Variants in LY6S observed in about 807,000 individuals in gnomAD.
LY6S encodes the protein lymphocyte antigen 6 family member S.
At chr8:143,062,438 C>T in the LY6S span, among the ~76,000 whole-genome samples, 139 of 152,250 alleles carry the variant, frequency 9.1e-4, no homozygotes, top group Non-Finnish European at 1.6e-3. Context: ...GAGGCCAAGG[C>T]GGGTGGATCA....
the LY6S span, chr8:143,043,373 C>CT: frequency 1.5e-6 from 1 of 667,726 alleles, no homozygotes; most frequent in Non-Finnish European, 2.2e-6. Flanking sequence ...GAGCAGGGCC[C>CT]TGCCCCGGGG....
chr8:143,041,250 A>G, the LY6S span, among the ~76,000 whole-genome samples: 8 of 152,200 alleles, frequency 5.3e-5, no homozygotes, highest in Non-Finnish European at 7.3e-5. Context: ...TGTAAAAGGC[A>G]GCCGTCCCCA....
the LY6S span, among the ~76,000 whole-genome samples, chr8:143,056,366 A>G: frequency 0.75 from 113,424 of 151,200 alleles, 42,959 homozygotes; most frequent in East Asian, 0.93. Context: ...ATAACCCCGA[A>G]TATATATGTA....
chr8:143,070,483 A>ATTT, the LY6S span, among the ~76,000 whole-genome samples: 6 of 85,964 alleles, frequency 7.0e-5, no homozygotes, highest in African/African-American at 4.4e-4. Flanking sequence ...ATAAATATAT[A>ATTT]TATATATTTT....
chr8:143,051,774 C>T, the LY6S span, among the ~76,000 whole-genome samples: 1 of 151,648 alleles, frequency 6.6e-6, no homozygotes, highest in African/African-American at 2.4e-5. Context: ...GAGTTCTAGA[C>T]CACCCTGGCC....
At chr8:143,061,814 G>T in the LY6S span, among the ~76,000 whole-genome samples, 1 of 152,304 alleles carries the variant, frequency 6.6e-6, no homozygotes, top group East Asian at 1.9e-4. Flanking sequence ...AAAGTGCTGG[G>T]ATTACAGGTG....
the LY6S span, among the ~76,000 whole-genome samples, chr8:143,073,532 CCTCGGG>C: frequency 7.2e-6 from 1 of 139,090 alleles, no homozygotes; most frequent in African/African-American, 2.7e-5. Context: ...CAGCCATCGT[CCTCGGG>C]GTCCCTGTTT....
the LY6S span, among the ~76,000 whole-genome samples, chr8:143,040,865 G>C: frequency 6.6e-6 from 1 of 152,154 alleles, no homozygotes; most frequent in Non-Finnish European, 1.5e-5. Flanking sequence ...GCGTCCGGGG[G>C]AGACATCACA....
chr8:143,074,445 G>T, the LY6S span, among the ~76,000 whole-genome samples: 2 of 151,980 alleles, frequency 1.3e-5, no homozygotes, highest in African/African-American at 4.8e-5. Context: ...GCTACTATAT[G>T]TTTAGTCTGC....
chr8:143,066,328 T>C, the LY6S span: 1 of 209,574 alleles, frequency 4.8e-6, no homozygotes. Flanking sequence ...ACACCGGCTA[T>C]TTTTTGTATT....
the LY6S span, among the ~76,000 whole-genome samples, chr8:143,045,085 G>C: frequency 6.6e-6 from 1 of 152,144 alleles, no homozygotes; most frequent in African/African-American, 2.4e-5. This position sits in a 1 kb window ranked among gnomAD's most constrained non-coding sequence, Gnocchi z 5.3. Flanking sequence ...TCGGAAGTGA[G>C]CACAGCCAGC....
chr8:143,061,938 T>C, the LY6S span, among the ~76,000 whole-genome samples: 17 of 152,216 alleles, frequency 1.1e-4, no homozygotes, highest in African/African-American at 4.1e-4. Flanking sequence ...ATTCACATAC[T>C]GAACATACAT....
the LY6S span, among the ~76,000 whole-genome samples, chr8:143,063,525 C>T: frequency 6.6e-6 from 1 of 152,204 alleles, no homozygotes. Flanking sequence ...ACCTCGGAAA[C>T]AGTTACCAAG....
chr8:143,046,483 C>T, the LY6S span, among the ~76,000 whole-genome samples: 1 of 149,160 alleles, frequency 6.7e-6, no homozygotes, highest in Admixed American at 6.8e-5. Flanking sequence ...GAGGCTAAGG[C>T]AGGAGAATGG....
chr8:143,073,289 G>A, the LY6S span, among the ~76,000 whole-genome samples: 177 of 100,306 alleles, frequency 1.8e-3, 4 homozygotes, highest in Middle Eastern at 5.9e-3. Context: ...GGAGACAGCC[G>A]TCGTCCCCGG....
the LY6S span, chr8:143,049,225 C>T: frequency 7.3e-5 from 39 of 534,756 alleles, no homozygotes; most frequent in East Asian, 1.0e-3. Flanking sequence ...CTCGGCACCA[C>T]GGGAACCACC....
the LY6S span, chr8:143,043,310 G>A: frequency 1.6e-6 from 2 of 1,227,282 alleles, no homozygotes; most frequent in Non-Finnish European, 2.2e-6. Flanking sequence ...AGGAGAGGAG[G>A]GAGAGCTTGT....
chr8:143,073,907 CTCG>C, the LY6S span, among the ~76,000 whole-genome samples: 2 of 147,476 alleles, frequency 1.4e-5, no homozygotes, highest in African/African-American at 4.9e-5. Flanking sequence ...AGCCATCATC[CTCG>C]TGGTCCCTGT....
chr8:143,072,278 G>GTCGTCCTC, the LY6S span, among the ~76,000 whole-genome samples: 1 of 28,132 alleles, frequency 3.6e-5, no homozygotes, highest in African/African-American at 1.3e-4. Flanking sequence ...CGTCGTCCCC[G>GTCGTCCTC]GGGTTCCTGT....
Sources: allele counts gnomAD v4.1 joint callset (sites outside exome capture counted in the v4.1 genomes callset), GRCh38; gene constraint gnomAD v4.1.1; non-coding constraint Gnocchi (gnomAD v3.1); transcripts MANE v1.5; gene names NCBI Gene and HGNC (gene_info 2026-07-23, HGNC 2026-07-21).